Variants in ADCY10 observed in about 807,000 individuals in gnomAD.
The protein encoded by ADCY10 is adenylate cyclase 10.
Under a neutral mutation model 183.3 loss-of-function variants are expected in ADCY10, and 156 were observed. The observed-to-expected ratio is 0.85, with a 90% CI of 0.75 to 0.97. The LOEUF (loss-of-function observed/expected upper bound fraction) is 0.97, where lower values mean the gene tolerates loss of function less well. Among genes scored for constraint, ADCY10 ranks in the 50% least tolerant of loss-of-function variants. The probability of loss-of-function intolerance (pLI) is 0.00; values close to 1 mark genes in which losing one functional copy is unlikely to be tolerated. For missense variants in ADCY10, 1,745 were observed against 1,934.3 expected (o/e 0.90, Z 1.84); for synonymous variants, 645 against 670.0 (o/e 0.96, Z 0.58).
chr1:167,874,008 A>C (rs974234050), intron 13 of ADCY10, among the ~76,000 whole-genome samples: 7 of 152,178 alleles, frequency 4.6e-5, no homozygotes, highest in African/African-American at 1.7e-4. Flanking sequence ...CCCAGTTGAA[A>C]AATAGGTGAA....
intron 30 of ADCY10, chr1:167,819,829 T>A (rs1662772197): frequency 1.5e-6 from 1 of 655,306 alleles, no homozygotes; most frequent in Admixed American, 2.4e-5. Flanking sequence ...CCTCCCAAAG[T>A]GCTGGGATTA....
At chr1:167,843,659 A>T (rs1312150386) in intron 21 of ADCY10, among the ~76,000 whole-genome samples, 1 of 152,094 alleles carries the variant, frequency 6.6e-6, no homozygotes, top group African/African-American at 2.4e-5. Flanking sequence ...TGTTTCTCCC[A>T]GGTGGGTTTT....
rs531983347 is a variant in ADCY10, at chr1:167,904,732, G to T, written c.148+261C>A. The T allele has an allele frequency of 3.5e-4, 212 of 612,170 alleles. 3 individuals are homozygous for T. In the South Asian group the frequency reaches 4.0e-3, roughly 12 times the overall value. The allele number at this position is 612,170 out of a possible 1,614,324, so 37.9% of individuals were successfully genotyped here. A position where few individuals can be genotyped will look rare whatever the true frequency, so the allele number is the denominator to read the frequency against. Reference sequence around the variant, plus strand: ...TGGAGAGGATGAGTCAGTGAAGTTGGGGCAGAGATACTGGAGCAAAGAATG... The same window carrying T: ...TGGAGAGGATGAGTCAGTGAAGTTGTGGCAGAGATACTGGAGCAAAGAATG... On this transcript the variant is annotated intron_variant, in intron 2 of 32. Transcript: ENST00000367851.
chr1:167,902,560 C>T (rs1026319947), intron 3 of ADCY10, among the ~76,000 whole-genome samples: 2 of 152,202 alleles, frequency 1.3e-5, no homozygotes, highest in African/African-American at 4.8e-5. Flanking sequence ...TGGCCATTCT[C>T]TCTTTTAGTT....
chr1:167,898,383 G>A (rs1002660629), intron 6 of ADCY10, among the ~76,000 whole-genome samples: 4 of 152,004 alleles, frequency 2.6e-5, no homozygotes, highest in South Asian at 4.2e-4. Flanking sequence ...GGTGGATCAC[G>A]AAGTCAGGAG....
At chr1:167,893,832 T>C (rs1164318160) in intron 8 of ADCY10, 21 bp downstream of exon 8, 1 of 1,575,660 alleles carries the variant, frequency 6.3e-7, no homozygotes, top group East Asian at 2.3e-5. Flanking sequence ...CCAAAGCCAG[T>C]AAATTCAATT....
rs371078439 is a variant in ADCY10 at position 167,823,657 on chromosome 1, G to A, written c.4053-534C>T. Among the ~76,000 whole-genome samples, 14 of 152,296 alleles carry A rather than the reference G, an allele frequency of 9.2e-5. No individual in the cohort carries two copies. In the South Asian group the frequency reaches 2.9e-3, roughly 32 times the overall value. On this transcript the variant is annotated intron_variant, in intron 28 of 32. Transcript: ENST00000367851. The stretch of plus-strand genomic sequence containing the variant: ...AAAGCAGTGGATAGGATGAGGTTCA[G>A]TAAAGTCCCTTCCTGGTCTAGTCTT...
rs892193142 is a variant in ADCY10 at position 167,846,106 on chromosome 1, C to T, written c.2595G>A (p.Val865=). 2.5e-6 allele frequency: 4 copies of T among 1,614,022 alleles called. No individual in the cohort carries two copies. The highest frequency in any genetic ancestry group is 3.4e-6 in the Non-Finnish European group (4 of 1,180,024). ...KMMIKTLATL[V]ESNIFYCFRN... ...GGAAACAATAAAAAATGTTAGATTC[C>T]ACTAGGGTTGCCAGGGTCTTGATCA... The change falls in exon 20 of 33, where the codon GTG becomes GTA. Residue 865 remains valine, a synonymous_variant. Transcript: ENST00000367851.
intron 21 of ADCY10, among the ~76,000 whole-genome samples, chr1:167,843,210 A>G (rs977682775): frequency 1.3e-5 from 2 of 152,206 alleles, no homozygotes; most frequent in African/African-American, 4.8e-5. Context: ...GTTTGCTTTG[A>G]TGACACTAGT....
intron 32 of ADCY10, 133 bp from the exon 33 acceptor site, chr1:167,809,972 G>C: frequency 2.3e-6 from 2 of 864,766 alleles, no homozygotes; most frequent in Non-Finnish European, 3.8e-6. Flanking sequence ...AACGAATCTT[G>C]CTGTCCAAAC....
At chr1:167,876,889 A>G (rs1370077201) in intron 12 of ADCY10, among the ~76,000 whole-genome samples, 3 of 152,128 alleles carry the variant, frequency 2.0e-5, no homozygotes, top group Admixed American at 6.5e-5. Flanking sequence ...CTCCTCCAGT[A>G]TTGCCAGGAC....
intron 30 of ADCY10, chr1:167,820,318 T>A: frequency 9.2e-7 from 1 of 1,087,254 alleles, no homozygotes; most frequent in East Asian, 2.8e-5. Context: ...GGAAGGGGAC[T>A]AGCCGGCCTT....
chr1:167,840,965 G>A (rs1378135317), intron 21 of ADCY10, among the ~76,000 whole-genome samples: 1 of 148,776 alleles, frequency 6.7e-6, no homozygotes, highest in Non-Finnish European at 1.5e-5. Flanking sequence ...TTTTGAGACA[G>A]GGCCTTGTTC....
At chr1:167,906,033 G>T (rs1027372083) in intron 1 of ADCY10, among the ~76,000 whole-genome samples, 1 of 152,056 alleles carries the variant, frequency 6.6e-6, no homozygotes, top group East Asian at 1.9e-4. Context: ...TTTAAGAAAA[G>T]GAACTGTTAT....
At chr1:167,887,820 T>C (rs7537525) in intron 8 of ADCY10, among the ~76,000 whole-genome samples, 35,176 of 151,676 alleles carry the variant, frequency 0.23, 4,261 homozygotes, top group African/African-American at 0.29. Flanking sequence ...TGTCCATTTT[T>C]GCTTTGGTTG....
In ADCY10 at chr1:167,833,102, G is replaced by A; in HGVS notation, c.3478C>T (p.Leu1160Phe). Residue 1160 changes from leucine to phenylalanine, a missense_variant, in exon 25 of 33, where the codon CTC (leucine) becomes TTC (phenylalanine). By Grantham distance (22) the Leu-to-Phe change is conservative. Coordinates refer to ENST00000367851, the MANE Select transcript of ADCY10 (RefSeq NM_018417.6). ...AKKMLRKALKLLNRIFPYNLI... is the reference protein window; with the variant it reads ...AKKMLRKALKFLNRIFPYNLI... ...TTGTAAGGAAAGATTCGGTTGAGGA[G>A]CTTCAGTGCCTTCCTCAGCATTTTC... The A allele has an allele frequency of 6.2e-7, 1 of 1,614,148 alleles. No homozygotes were observed. The highest frequency in any genetic ancestry group is 1.1e-5 in the South Asian group (1 of 91,082).
At chr1:167,871,995 T>C (rs1667135774) in intron 13 of ADCY10, among the ~76,000 whole-genome samples, 1 of 152,182 alleles carries the variant, frequency 6.6e-6, no homozygotes, top group Admixed American at 6.5e-5. Context: ...CGTTGTGCAT[T>C]GTGTACCCTA....
At chr1:167,818,906 G>A (rs1206528255) in intron 30 of ADCY10, among the ~76,000 whole-genome samples, 1 of 152,136 alleles carries the variant, frequency 6.6e-6, no homozygotes, top group Non-Finnish European at 1.5e-5. Context: ...GGGGCTTGAA[G>A]AAATTGTTCC....
At chr1:167,820,214 C>T (rs1662805021) in intron 30 of ADCY10, 2 of 1,543,946 alleles carry the variant, frequency 1.3e-6, no homozygotes, top group South Asian at 1.2e-5. Context: ...GACGGCTTCT[C>T]CTCGTTCCAC....
Sources: gnomAD v4.1 joint callset for allele counts (sites outside exome capture counted in the v4.1 genomes callset) on GRCh38, gnomAD v4.1.1 for gene constraint, MANE v1.5 for transcripts, NCBI Gene and HGNC (gene_info 2026-07-23, HGNC 2026-07-21) for gene names.